VEPH1: variants seen among roughly 807,000 people sequenced by gnomAD.
VEPH1 encodes ventricular zone expressed PH domain containing 1.
VEPH1 carries 80 observed loss-of-function variants against 85.2 expected under a neutral mutation model. The ratio of observed to expected loss-of-function variants is 0.94; its 90% confidence interval spans 0.78 to 1.13. The LOEUF (loss-of-function observed/expected upper bound fraction) is 1.13. Ranked by LOEUF, VEPH1 falls within the 50% of genes most tolerant of loss-of-function variation. The pLI, the probability that VEPH1 is intolerant of heterozygous loss-of-function variation, is 0.00. For missense variants in VEPH1, 955 were observed against 980.5 expected, an observed-to-expected ratio of 0.97 and a Z score of 0.35; for synonymous variants, 297 against 348.0, an observed-to-expected ratio of 0.85 and a Z score of 1.63.
At chr3:157,337,998 G>A (rs1723130294) in intron 9 of VEPH1, among the ~76,000 whole-genome samples, 1 of 151,994 alleles carries the variant, frequency 6.6e-6, no homozygotes. Context: ...GTTCTGGGGA[G>A]GTCTTTACCA....
intron 4 of VEPH1, chr3:157,442,843 A>T: frequency 6.2e-7 from 1 of 1,614,214 alleles, no homozygotes. Flanking sequence ...ACAGGCTTCA[A>T]TATCTGGGAT....
At chr3:157,321,862 A>G (rs1402908031) in intron 9 of VEPH1, among the ~76,000 whole-genome samples, 1 of 152,202 alleles carries the variant, frequency 6.6e-6, no homozygotes, top group African/African-American at 2.4e-5. Flanking sequence ...TCTCTCCTAG[A>G]TTGTGAGCTC....
At chr3:157,495,660 T>C (rs1739608441) in intron 1 of VEPH1, among the ~76,000 whole-genome samples, 154 bp from the exon 2 acceptor site, 1 of 152,208 alleles carries the variant, frequency 6.6e-6, no homozygotes, top group Admixed American at 6.5e-5. Context: ...TTAAATGAAC[T>C]CTTTCCTTGT....
intron 2 of VEPH1, among the ~76,000 whole-genome samples, chr3:157,486,320 A>G (rs1001203623): frequency 6.6e-6 from 1 of 151,990 alleles, no homozygotes; most frequent in African/African-American, 2.4e-5. Context: ...ACATGGTGAA[A>G]CCCCGTCTAT....
At position 157,428,372 on chromosome 3, in the gene VEPH1, A is replaced by G; in HGVS notation, c.646T>C (p.Tyr216His). Residue 216 changes from tyrosine (Y) to histidine (H), a missense_variant, in exon 5 of 14, where the codon TAC becomes CAC. Tyr to His is a moderately conservative substitution (Grantham distance 83, BLOSUM62 2). Transcript: ENST00000362010. ...ACATGCAAAAGCCGTAGTAGATGGTACTGTTCTGGCTGTTCCAGCTGAGAC... is the reference window on the plus strand; with the variant it reads ...ACATGCAAAAGCCGTAGTAGATGGTGCTGTTCTGGCTGTTCCAGCTGAGAC... ...LMSQLEQPEQ[Y>H]HLLRLLHVAA... The G allele has an allele frequency of 6.2e-7, 1 of 1,614,108 alleles. No homozygotes were observed.
intron 9 of VEPH1, among the ~76,000 whole-genome samples, chr3:157,318,940 A>G (rs899313115): frequency 1.3e-5 from 2 of 152,192 alleles, no homozygotes; most frequent in African/African-American, 4.8e-5. Context: ...CGACAGAGTC[A>G]GTCCCCACCT....
chr3:157,308,235 G>A (rs2108493726), intron 11 of VEPH1, among the ~76,000 whole-genome samples: 1 of 151,750 alleles, frequency 6.6e-6, no homozygotes, highest in East Asian at 1.9e-4. Flanking sequence ...CCTGCATTGG[G>A]TAGGATCACT....
intron 9 of VEPH1, among the ~76,000 whole-genome samples, chr3:157,347,662 C>T (rs1724382124): frequency 6.6e-6 from 1 of 152,220 alleles, no homozygotes; most frequent in Admixed American, 6.5e-5. Flanking sequence ...CAGGCCTCTG[C>T]AGCCCCCTCT....
At chr3:157,387,010 AAGGAACAGAC>A (rs1393762715) in intron 6 of VEPH1, among the ~76,000 whole-genome samples, 1 of 152,222 alleles carries the variant, frequency 6.6e-6, no homozygotes, top group Non-Finnish European at 1.5e-5. Flanking sequence ...ATTTTCTCTA[AAGGAACAGAC>A]AGTAAATATT....
chr3:157,442,615 T>C (rs1431719193), intron 4 of VEPH1: 97 of 1,614,100 alleles, frequency 6.0e-5, no homozygotes, highest in East Asian at 8.9e-5. Flanking sequence ...GCTGAAGCCA[T>C]GGTTTCCCTG....
At chr3:157,369,193 A>AAAAAAAAAAAAAAAAAC (rs1553773125) in intron 7 of VEPH1, among the ~76,000 whole-genome samples, 6 of 140,630 alleles carry the variant, frequency 4.3e-5, no homozygotes, top group Admixed American at 7.1e-5. Flanking sequence ...AAAAAAAAAA[A>AAAAAAAAAAAAAAAAAC]AAAAAAAAAA....
intron 6 of VEPH1, among the ~76,000 whole-genome samples, chr3:157,395,342 G>C (rs1314283149): frequency 6.6e-6 from 1 of 152,200 alleles, no homozygotes; most frequent in Non-Finnish European, 1.5e-5. Flanking sequence ...AACACCCCAA[G>C]GAACAGTGCC....
At chr3:157,396,859 G>A (rs1477890664) in intron 6 of VEPH1, among the ~76,000 whole-genome samples, 1 of 152,016 alleles carries the variant, frequency 6.6e-6, no homozygotes, top group East Asian at 1.9e-4. Context: ...TTGTCAGACG[G>A]ATAGATTGCA....
At chr3:157,292,827 A>G (rs1393683837) in intron 11 of VEPH1, among the ~76,000 whole-genome samples, 1 of 150,500 alleles carries the variant, frequency 6.6e-6, no homozygotes, top group East Asian at 1.9e-4. Context: ...AAAAAAAAAA[A>G]AAAAAATTAG....
At chr3:157,374,504 T>C (rs1358830781) in intron 7 of VEPH1, among the ~76,000 whole-genome samples, 1 of 152,262 alleles carries the variant, frequency 6.6e-6, no homozygotes, top group Admixed American at 6.5e-5. Context: ...GTGGAAGTTC[T>C]TGTGAACACT....
intron 5 of VEPH1, among the ~76,000 whole-genome samples, chr3:157,417,671 G>T (rs1732027650): frequency 6.6e-6 from 1 of 152,274 alleles, no homozygotes; most frequent in Admixed American, 6.5e-5. Flanking sequence ...AACACAGAGA[G>T]AAATCTCATA....
At chr3:157,272,548 C>G (rs1235463242) in intron 12 of VEPH1, among the ~76,000 whole-genome samples, 1 of 151,036 alleles carries the variant, frequency 6.6e-6, no homozygotes, top group Non-Finnish European at 1.5e-5. Flanking sequence ...GCCTCCAGAT[C>G]CTGGGCTCAA....
At chr3:157,439,693 C>T (rs752941750) in intron 4 of VEPH1, among the ~76,000 whole-genome samples, 1 of 152,142 alleles carries the variant, frequency 6.6e-6, no homozygotes, top group Non-Finnish European at 1.5e-5. Flanking sequence ...ACTGCCTGGG[C>T]TTATTTAAAG....
chr3:157,446,716 G>C (rs973879456), intron 4 of VEPH1, among the ~76,000 whole-genome samples: 73 of 152,294 alleles, frequency 4.8e-4, no homozygotes, highest in African/African-American at 1.7e-3. Flanking sequence ...CTTGGTTAAG[G>C]TAATTGTATA....
Sources: gnomAD v4.1 joint callset for allele counts (sites outside exome capture counted in the v4.1 genomes callset) on GRCh38, gnomAD v4.1.1 for gene constraint, MANE v1.5 for transcripts, NCBI Gene and HGNC (gene_info 2026-07-23, HGNC 2026-07-21) for gene names.